TNS3: variants seen among roughly 807,000 people sequenced by gnomAD.
TNS3 encodes the protein tensin-3.
Under a neutral mutation model 140.9 loss-of-function variants are expected in TNS3, and 45 were observed. That is an observed-to-expected ratio of 0.32 (90% CI 0.25 to 0.41). The LOEUF (loss-of-function observed/expected upper bound fraction) is 0.41. Ranked by LOEUF, TNS3 falls within the 10% of genes least tolerant of loss-of-function variation. TNS3 has a pLI of 1.00. For synonymous variants in TNS3, 815 were observed against 788.4 expected, an observed-to-expected ratio of 1.03 and a Z score of -0.56; for missense variants, 1,716 against 1,906.7, an observed-to-expected ratio of 0.90 and a Z score of 1.86.
At chr7:47,536,697 C>T (rs537935418) in intron 1 of TNS3, among the ~76,000 whole-genome samples, 2 of 152,336 alleles carry the variant, frequency 1.3e-5, no homozygotes, top group African/African-American at 4.8e-5. Flanking sequence ...CTAGGCAAAG[C>T]TCCACTGGCC....
chr7:47,535,139 T>C (rs1244585285), intron 1 of TNS3, among the ~76,000 whole-genome samples: 2 of 152,256 alleles, frequency 1.3e-5, no homozygotes. Context: ...TTTGTCCTCT[T>C]AGGGCCCTGC....
chr7:47,425,192 C>T (rs1340755878), intron 9 of TNS3, among the ~76,000 whole-genome samples: 1 of 152,080 alleles, frequency 6.6e-6, no homozygotes, highest in Non-Finnish European at 1.5e-5. Context: ...TGGTGGGTGC[C>T]TATAATCCCA....
At chr7:47,436,561 C>A (rs1054327551) in intron 7 of TNS3, among the ~76,000 whole-genome samples, 3 of 152,044 alleles carry the variant, frequency 2.0e-5, no homozygotes, top group African/African-American at 7.2e-5. Flanking sequence ...AACAAACCTG[C>A]ACGTTCTGCA....
chr7:47,354,816 C>A (rs533915519), intron 17 of TNS3, among the ~76,000 whole-genome samples: 1 of 152,092 alleles, frequency 6.6e-6, no homozygotes, highest in South Asian at 2.1e-4. Context: ...CCCCTCTTGT[C>A]GCGGTGACAC....
chr7:47,322,213 C>CAAAAAAAAAA (rs759875153), intron 20 of TNS3, among the ~76,000 whole-genome samples: 26 of 49,924 alleles, frequency 5.2e-4, no homozygotes, highest in African/African-American at 8.6e-4. Flanking sequence ...GTAGAACGGG[C>CAAAAAAAAAA]AAAAAAAAAA....
chr7:47,368,695 G>A lies in TNS3; in HGVS notation c.1951C>T (p.Pro651Ser), dbSNP rs780907190. Residue 651 changes from proline to serine, a missense_variant, in exon 17 of 31, where the codon CCA (proline) becomes TCA (serine). This residue lies in a region of TNS3 where 1,163 missense variants were observed against 1,182.1 expected (regional missense o/e 0.98). Transcript: ENST00000311160. ...GGCTGCTGTGTGTCAGGGGGATGTG[G>A]CCCACTGCCTACACCCCTCTGGACA... The part of the protein sequence containing the change: ...VAVQRGVGSG[P>S]HPPDTQQPSP... 1.3e-6 allele frequency: 2 copies of A among 1,588,720 alleles called. No individual in the cohort carries two copies. The highest frequency in any genetic ancestry group is 1.3e-5 in the African/African-American group (1 of 74,688).
chr7:47,413,251 C>CTTTTTTTTTTTTTT (rs71003398), intron 12 of TNS3, among the ~76,000 whole-genome samples: 1 of 52,904 alleles, frequency 1.9e-5, no homozygotes, highest in African/African-American at 7.6e-5. Flanking sequence ...CAAGCCTGGC[C>CTTTTTTTTTTTTTT]TTTTTTTTTT....
At chr7:47,302,879 C>T in intron 22 of TNS3, 71 bp downstream of exon 22, 3 of 1,509,998 alleles carry the variant, frequency 2.0e-6, no homozygotes, top group Non-Finnish European at 1.8e-6. Flanking sequence ...AGCTCAGCTG[C>T]AGGTCTGAAC....
At chr7:47,517,330 C>T (rs1296269803) in intron 2 of TNS3, among the ~76,000 whole-genome samples, 3 of 152,156 alleles carry the variant, frequency 2.0e-5, no homozygotes, top group Non-Finnish European at 2.9e-5. Flanking sequence ...TGCAGCCCCA[C>T]GCTTGACAAA....
intron 17 of TNS3, among the ~76,000 whole-genome samples, chr7:47,352,368 TCA>T (rs1274131078): frequency 1.3e-5 from 2 of 152,072 alleles, no homozygotes; most frequent in African/African-American, 4.8e-5. Context: ...ATTCTCACAC[TCA>T]CACTCACGCA....
intron 2 of TNS3, among the ~76,000 whole-genome samples, chr7:47,519,477 G>A (rs544162186): frequency 2.0e-5 from 3 of 152,298 alleles, no homozygotes; most frequent in Non-Finnish European, 2.9e-5. Context: ...CTCAGTGTGT[G>A]AGCAGACCCC....
At chr7:47,324,600 A>G (rs1787926016) in intron 20 of TNS3, among the ~76,000 whole-genome samples, 1 of 152,128 alleles carries the variant, frequency 6.6e-6, no homozygotes, top group African/African-American at 2.4e-5. Context: ...AAAAAGACAA[A>G]AATTAGCCGT....
intron 4 of TNS3, among the ~76,000 whole-genome samples, chr7:47,446,225 C>A (rs1172951823): frequency 1.3e-5 from 2 of 151,984 alleles, no homozygotes; most frequent in African/African-American, 2.4e-5. Flanking sequence ...CATTCTCCTG[C>A]CTCAGCCTCC....
intron 1 of TNS3, among the ~76,000 whole-genome samples, chr7:47,576,648 A>G (rs1236148436): frequency 6.6e-6 from 1 of 152,230 alleles, no homozygotes; most frequent in Non-Finnish European, 1.5e-5. Context: ...GAATGTGCAC[A>G]GGCCAGGACG....
intron 8 of TNS3, among the ~76,000 whole-genome samples, chr7:47,431,143 G>GA (rs796150258): frequency 6.6e-6 from 1 of 151,860 alleles, no homozygotes; most frequent in Non-Finnish European, 1.5e-5. Context: ...CTGGGTCAAA[G>GA]AAAAAAAGTC....
At chr7:47,280,440 A>G in intron 28 of TNS3, 86 bp from the exon 29 acceptor site, 5 of 1,177,386 alleles carry the variant, frequency 4.2e-6, no homozygotes, top group Non-Finnish European at 5.1e-6. Context: ...TCTCCCATAC[A>G]TGAAGATTCT....
intron 8 of TNS3, among the ~76,000 whole-genome samples, chr7:47,434,290 A>C (rs1310473439): frequency 6.8e-6 from 1 of 147,544 alleles, no homozygotes; most frequent in Admixed American, 7.1e-5. Context: ...GCAGTTTTTT[A>C]GTGTAAAAGA....
intron 2 of TNS3, among the ~76,000 whole-genome samples, chr7:47,517,065 AAAAC>A (rs1277708730): frequency 8.5e-5 from 13 of 152,216 alleles, no homozygotes; most frequent in African/African-American, 2.2e-4. Context: ...CTCCGTCTCA[AAAAC>A]AAACAAACAA....
intron 8 of TNS3, among the ~76,000 whole-genome samples, chr7:47,430,949 C>G (rs2151511513): frequency 6.6e-6 from 1 of 152,178 alleles, no homozygotes; most frequent in Middle Eastern, 3.4e-3. Flanking sequence ...TCTCGAACTC[C>G]TGACCTCAGG....
Sources: allele counts gnomAD v4.1 joint callset (sites outside exome capture counted in the v4.1 genomes callset), GRCh38; gene constraint gnomAD v4.1.1; regional missense constraint gnomAD v4.1.1; transcripts MANE v1.5; gene names NCBI Gene and HGNC (gene_info 2026-07-23, HGNC 2026-07-21).